MAPK9: variants seen among roughly 807,000 people sequenced by gnomAD.
The protein encoded by MAPK9 is Jun kinase.
A neutral mutation model predicts 57.1 loss-of-function variants in MAPK9; 30 were observed. That is an observed-to-expected ratio of 0.53 (90% CI 0.39 to 0.71). MAPK9 has a LOEUF of 0.71. Ranked by LOEUF, MAPK9 falls within the 30% of genes least tolerant of loss-of-function variation. MAPK9 has a pLI of 0.00. For synonymous variants in MAPK9, 155 were observed against 177.0 expected (o/e 0.88, Z 0.99); for missense variants, 362 against 521.0 (o/e 0.69, Z 2.97).
chr5:180,255,030 T>C (rs375710287), intron 5 of MAPK9, among the ~76,000 whole-genome samples: 6 of 151,974 alleles, frequency 3.9e-5, no homozygotes, highest in African/African-American at 1.4e-4. Flanking sequence ...CGAGACTCCA[T>C]CTAAAAAAAC....
chr5:180,279,787 G>A (rs1005762687), intron 2 of MAPK9: 15 of 455,396 alleles, frequency 3.3e-5, no homozygotes, highest in Non-Finnish European at 5.7e-5. Flanking sequence ...AACATGTGAA[G>A]AGCTTTACCT....
chr5:180,273,727 T>C (rs1323063735), intron 2 of MAPK9, among the ~76,000 whole-genome samples: 1 of 152,218 alleles, frequency 6.6e-6, no homozygotes, highest in East Asian at 1.9e-4. Flanking sequence ...CCTATGTCCA[T>C]TTATTTAAAA....
chr5:180,278,836 C>A lies in MAPK9; in HGVS notation c.122+1604G>T, dbSNP rs1241810512. Among the ~76,000 whole-genome samples the A allele has an allele frequency of 2.0e-5, 3 of 151,886 alleles. No individual in the cohort carries two copies. In the East Asian group the frequency reaches 5.8e-4, roughly 29 times the overall value. On this transcript the variant is annotated intron_variant, in intron 2 of 11. Transcript: ENST00000452135. ...CGCATGCACACATCAAATTATCTGTCAAATTATCATCTAATTCCAAATAGG... is the reference window on the plus strand; with the variant it reads ...CGCATGCACACATCAAATTATCTGTAAAATTATCATCTAATTCCAAATAGG...
chr5:180,248,845 G>A (rs1014781498), intron 6 of MAPK9, 128 bp downstream of exon 6: 1 of 817,966 alleles, frequency 1.2e-6, no homozygotes, highest in Non-Finnish European at 1.8e-6. Context: ...TCTGGATCAT[G>A]CTATATTCTG....
At chr5:180,256,122 G>A (rs763502460) in intron 5 of MAPK9, among the ~76,000 whole-genome samples, 77 of 152,288 alleles carry the variant, frequency 5.1e-4, no homozygotes, top group Non-Finnish European at 1.6e-4. Flanking sequence ...ATGCACCAGC[G>A]TGCTCTCACT....
At chr5:180,250,236 C>T (rs1411306713) in intron 5 of MAPK9, among the ~76,000 whole-genome samples, 5 of 152,174 alleles carry the variant, frequency 3.3e-5, no homozygotes, top group African/African-American at 1.2e-4. Flanking sequence ...TCATATTCCA[C>T]CTGACTTGCA....
intron 1 of MAPK9, among the ~76,000 whole-genome samples, chr5:180,284,984 A>G (rs770569960): frequency 2.6e-5 from 4 of 152,254 alleles, no homozygotes; most frequent in African/African-American, 9.6e-5. Context: ...TCTTCCCATT[A>G]TAACTTTCTA....
intron 2 of MAPK9, among the ~76,000 whole-genome samples, chr5:180,273,128 TTGA>T (rs1372377717): frequency 2.6e-5 from 4 of 152,234 alleles, no homozygotes; most frequent in Non-Finnish European, 5.9e-5. Context: ...TTGCACTATC[TTGA>T]TGAATAACGG....
At chr5:180,289,975 C>T (rs1763089714) in intron 1 of MAPK9, among the ~76,000 whole-genome samples, 1 of 152,094 alleles carries the variant, frequency 6.6e-6, no homozygotes, top group Non-Finnish European at 1.5e-5. Context: ...TCCACCTCAG[C>T]CTCCCAAGCA....
chr5:180,262,526 C>T (rs1236107336), intron 4 of MAPK9, among the ~76,000 whole-genome samples: 1 of 151,168 alleles, frequency 6.6e-6, no homozygotes, highest in Non-Finnish European at 1.5e-5. Context: ...CTCCCGGGTT[C>T]AAGCCATTCT....
chr5:180,289,501 G>C (rs1184311282), intron 1 of MAPK9, among the ~76,000 whole-genome samples: 1 of 152,192 alleles, frequency 6.6e-6, no homozygotes, highest in Admixed American at 6.5e-5. Flanking sequence ...AGAATACTCA[G>C]AGCTGAGGGA....
At chr5:180,249,232 G>A in intron 5 of MAPK9, 94 bp from the exon 6 acceptor site, 4 of 1,174,510 alleles carry the variant, frequency 3.4e-6, no homozygotes, top group Non-Finnish European at 4.7e-6. Flanking sequence ...GTGTGAGAGT[G>A]TAGGGAGTGA....
At chr5:180,238,767 C>T (rs1757408020) in intron 10 of MAPK9, among the ~76,000 whole-genome samples, 1 of 152,102 alleles carries the variant, frequency 6.6e-6, no homozygotes, top group African/African-American at 2.4e-5. Context: ...CACCACCATG[C>T]CTGGCTAACT....
intron 2 of MAPK9, among the ~76,000 whole-genome samples, chr5:180,271,136 C>A (rs939254708): frequency 3.9e-5 from 6 of 152,092 alleles, no homozygotes. Context: ...ATACATATTT[C>A]AGAACAATAT....
chr5:180,246,093 T>C (rs1181945675), intron 7 of MAPK9: 1 of 152,244 alleles, frequency 6.6e-6, no homozygotes, highest in African/African-American at 2.4e-5. Flanking sequence ...TTCATTTTTG[T>C]ACTTTTTGAA....
At chr5:180,244,009 G>A (rs747182024) in intron 7 of MAPK9, among the ~76,000 whole-genome samples, 3 of 151,948 alleles carry the variant, frequency 2.0e-5, no homozygotes, top group Non-Finnish European at 2.9e-5. Flanking sequence ...CATAACGGTC[G>A]GCTAATTTTT....
intron 2 of MAPK9, among the ~76,000 whole-genome samples, chr5:180,276,414 T>C (rs1323106847): frequency 1.3e-5 from 2 of 152,130 alleles, no homozygotes; most frequent in African/African-American, 4.8e-5. Context: ...TTGGCCAAAC[T>C]TGAGATTTTT....
chr5:180,288,462 T>C (rs767454283), intron 1 of MAPK9, among the ~76,000 whole-genome samples: 5 of 152,234 alleles, frequency 3.3e-5, no homozygotes, highest in Non-Finnish European at 5.9e-5. Context: ...TATTTGATGA[T>C]ATTAAGCAAT....
At chr5:180,280,704 T>A in intron 1 of MAPK9, 96 bp from the exon 2 acceptor site, 1 of 946,336 alleles carries the variant, frequency 1.1e-6, no homozygotes, top group Non-Finnish European at 1.5e-6. Flanking sequence ...TAAGACAATG[T>A]GGCTGTAAGT....
Sources: gnomAD v4.1 joint callset for allele counts (sites outside exome capture counted in the v4.1 genomes callset) on GRCh38, gnomAD v4.1.1 for gene constraint, MANE v1.5 for transcripts, NCBI Gene and HGNC (gene_info 2026-07-23, HGNC 2026-07-21) for gene names.